Variants in PTPRN2 observed in about 807,000 individuals in gnomAD.
The protein encoded by PTPRN2 is receptor-type tyrosine-protein phosphatase N2.
Under a neutral mutation model 118.8 loss-of-function variants are expected in PTPRN2, and 74 were observed. That is an observed-to-expected ratio of 0.62 (90% CI 0.52 to 0.76). The LOEUF is 0.76. PTPRN2 is among the 30% of genes least tolerant of loss of function. PTPRN2 has a pLI of 0.00. For missense variants in PTPRN2, 1,481 were observed against 1,394.4 expected, an observed-to-expected ratio of 1.06 and a Z score of -0.99; for synonymous variants, 641 against 608.0, an observed-to-expected ratio of 1.05 and a Z score of -0.80.
intron 12 of PTPRN2, among the ~76,000 whole-genome samples, chr7:157,769,110 G>A (rs2151022084): frequency 6.6e-6 from 1 of 152,310 alleles, no homozygotes; most frequent in Non-Finnish European, 1.5e-5. Context: ...CCTGCACCCA[G>A]CCATCGTCAT....
intron 2 of PTPRN2, among the ~76,000 whole-genome samples, chr7:158,420,538 TGAG>T (rs1391063419): frequency 6.6e-6 from 1 of 152,212 alleles, no homozygotes; most frequent in African/African-American, 2.4e-5. Flanking sequence ...ATGTTTTTAA[TGAG>T]AAGAGTTATT....
intron 2 of PTPRN2, among the ~76,000 whole-genome samples, chr7:158,455,214 G>T (rs1317609196): frequency 6.6e-6 from 1 of 152,090 alleles, no homozygotes; most frequent in Non-Finnish European, 1.5e-5. Flanking sequence ...GACGCCATCG[G>T]CCACGGCCAC....
At chr7:158,536,060 T>A (rs1291894388) in intron 1 of PTPRN2, among the ~76,000 whole-genome samples, 1 of 151,328 alleles carries the variant, frequency 6.6e-6, no homozygotes, top group Non-Finnish European at 1.5e-5. Flanking sequence ...CAACCACAAC[T>A]CCAGCCCATA....
chr7:157,969,579 G>A (rs775871589), intron 11 of PTPRN2, among the ~76,000 whole-genome samples: 5 of 152,072 alleles, frequency 3.3e-5, no homozygotes, highest in Non-Finnish European at 7.4e-5. Flanking sequence ...GGGGCCAGGG[G>A]TAGCCATGGA....
At position 158,071,544 on chromosome 7, in the gene PTPRN2, G is replaced by A. The variant is rs556161155; in HGVS notation, c.1723+9754C>T. ...GGTGGAGATGCTCGTGATGATGGAG[G>A]TGCTCCTGGTGGTGGAGGTGCTCCT... On this transcript the variant is annotated intron_variant, in intron 11 of 22. Transcript: ENST00000389418. 7.0e-4 allele frequency among the ~76,000 whole-genome samples: 87 copies of A among 123,428 alleles called. 7 individuals are homozygous for A. The highest frequency in any genetic ancestry group is 2.4e-3 in the African/African-American group (71 of 30,112). The allele number at this position is 123,428 out of a possible 152,430, so 81.0% of individuals were successfully genotyped here.
At chr7:158,245,567 C>G (rs997680064) in intron 3 of PTPRN2, among the ~76,000 whole-genome samples, 1 of 152,104 alleles carries the variant, frequency 6.6e-6, no homozygotes, top group Non-Finnish European at 1.5e-5. Flanking sequence ...GGTCTCCTTG[C>G]CGAGAGTGGG....
At chr7:158,153,408 C>A (rs188351260) in intron 6 of PTPRN2, among the ~76,000 whole-genome samples, 1 of 152,146 alleles carries the variant, frequency 6.6e-6, no homozygotes, top group Non-Finnish European at 1.5e-5. Flanking sequence ...ATTAAAGGAG[C>A]GAAACCAAAA....
rs114570636 is a variant in PTPRN2, at chr7:158,053,420, T to A, written c.1723+27878A>T. On this transcript the variant is annotated intron_variant, in intron 11 of 22. Coordinates refer to ENST00000389418, the MANE Select transcript of PTPRN2 (RefSeq NM_002847.5). ...TCCGATGTGGCTCTGACTGTTTAAT[T>A]AACGTGTAGCTAAAGATCACAGAAA... Among the ~76,000 whole-genome samples, 729 of 152,206 alleles carry A rather than the reference T, an allele frequency of 4.8e-3. 2 individuals are homozygous for A. Among genetic ancestry groups the A allele is most frequent in the African/African-American group, 0.016 (678 of 41,540 alleles).
intron 11 of PTPRN2, 67 bp from the exon 12 acceptor site, chr7:157,898,804 A>G: frequency 7.3e-7 from 1 of 1,371,810 alleles, no homozygotes; most frequent in South Asian, 1.2e-5. Flanking sequence ...GGCACCTCTG[A>G]GTATTTTCCT....
At chr7:158,053,721 C>CAGAGATGCAGAGACCCT (rs1458947321) in intron 11 of PTPRN2, among the ~76,000 whole-genome samples, 1 of 148,844 alleles carries the variant, frequency 6.7e-6, no homozygotes, top group Non-Finnish European at 1.5e-5. Context: ...GCAGAGACCC[C>CAGAGATGCAGAGACCCT]AGAGATGCAG....
In PTPRN2 at chr7:157,893,796, C is replaced by G. The variant is rs1796945571; in HGVS notation, c.1788+4877G>C. Among the ~76,000 whole-genome samples the G allele has an allele frequency of 6.6e-6, 1 of 152,142 alleles. No homozygotes were observed. Among genetic ancestry groups the G allele is most frequent in the Non-Finnish European group, 1.5e-5 (1 of 68,034 alleles). On this transcript the variant is annotated intron_variant, in intron 12 of 22. Coordinates refer to ENST00000389418, the MANE Select transcript of PTPRN2 (RefSeq NM_002847.5). The surrounding 1 kb of genome is among the most constrained non-coding windows in gnomAD (Gnocchi z 4.0). ...TAAAAAGCCAGGGCCCAGGTGAGTT[C>G]CCCACAGGAGACAGCACCGGCAGAA...
intron 2 of PTPRN2, among the ~76,000 whole-genome samples, chr7:158,370,053 A>G (rs1007880900): frequency 1.3e-4 from 20 of 152,148 alleles, no homozygotes; most frequent in South Asian, 2.1e-4. Context: ...GCTTAGCTAC[A>G]GACGATGGGA....
intron 2 of PTPRN2, among the ~76,000 whole-genome samples, chr7:158,483,283 A>G (rs982572482): frequency 5.9e-5 from 9 of 152,180 alleles, no homozygotes; most frequent in Non-Finnish European, 1.0e-4. Context: ...TTTCCCCACT[A>G]TGGTATATAA....
chr7:158,094,589 G>C (rs1325581480), intron 10 of PTPRN2, among the ~76,000 whole-genome samples: 1 of 152,160 alleles, frequency 6.6e-6, no homozygotes, highest in African/African-American at 2.4e-5. Flanking sequence ...TTACAGGCAT[G>C]AGCCACTGCT....
At chr7:157,895,640 C>T (rs1289617212) in intron 12 of PTPRN2, among the ~76,000 whole-genome samples, 1 of 151,966 alleles carries the variant, frequency 6.6e-6, no homozygotes, top group African/African-American at 2.4e-5. Flanking sequence ...GAGGAAGGAA[C>T]GTGGGAGACA....
chr7:158,569,473 G>T (rs543063999), intron 1 of PTPRN2, among the ~76,000 whole-genome samples: 1 of 152,264 alleles, frequency 6.6e-6, no homozygotes, highest in African/African-American at 2.4e-5. Flanking sequence ...GCGGAGGAAG[G>T]CTAGGAGCTC....
chr7:157,827,362 C>CCACAACACAACACAA (rs57453915), intron 12 of PTPRN2, among the ~76,000 whole-genome samples: 22,397 of 146,572 alleles, frequency 0.15, 2,066 homozygotes, highest in Non-Finnish European at 0.21. Flanking sequence ...AAGCCAGAGA[C>CCACAACACAACACAA]CACAACACAA....
chr7:157,605,283 G>A (rs1563254355), intron 15 of PTPRN2, among the ~76,000 whole-genome samples: 2 of 152,342 alleles, frequency 1.3e-5, no homozygotes, highest in Middle Eastern at 3.4e-3. Context: ...GTGAGGCTGC[G>A]GCCAGACCAG....
intron 2 of PTPRN2, among the ~76,000 whole-genome samples, chr7:158,331,251 C>A (rs1292240134): frequency 1.3e-5 from 2 of 148,404 alleles, no homozygotes; most frequent in African/African-American, 4.9e-5. Context: ...TCACTCACAC[C>A]CACACTCTCA....
Sources: gnomAD v4.1 joint callset for allele counts (sites outside exome capture counted in the v4.1 genomes callset) on GRCh38, gnomAD v4.1.1 for gene constraint, Gnocchi (gnomAD v3.1) non-coding constraint, MANE v1.5 for transcripts, NCBI Gene and HGNC (gene_info 2026-07-23, HGNC 2026-07-21) for gene names.